The following ABAT variants were observed in gnomAD, a reference collection of about 807,000 sequenced individuals.
ABAT encodes 4-aminobutyrate aminotransferase, mitochondrial.
Under a neutral mutation model 64.6 loss-of-function variants are expected in ABAT, and 45 were observed. The ratio of observed to expected loss-of-function variants is 0.70; its 90% CI spans 0.55 to 0.89. The LOEUF is 0.89. Among genes scored for constraint, ABAT ranks in the 40% least tolerant of loss-of-function variants. The pLI is 0.00. For missense variants in ABAT, 633 were observed against 658.4 expected (o/e 0.96, Z 0.42); for synonymous variants, 297 against 250.5 (o/e 1.19, Z -1.75).
chr16:8,700,934 G>C lies in ABAT; in HGVS notation c.-42+26223G>C, dbSNP rs374824986. 6.3e-3 allele frequency among the ~76,000 whole-genome samples: 603 copies of C among 95,276 alleles called. 2 individuals are homozygous for C. Among genetic ancestry groups the C allele is most frequent in the African/African-American group, 0.026 (574 of 21,784 alleles). 62.5% of individuals were successfully genotyped at this position (95,276 alleles called of 152,430 possible). A position where few individuals can be genotyped will look rare whatever the true frequency, so the allele number is the denominator to read the frequency against. On this transcript the variant is annotated intron_variant, in intron 1 of 15. Coordinates refer to ENST00000268251, the MANE Select transcript of ABAT (RefSeq NM_020686.6). ...TTCTTTTTTTTTTTTTTTTTGCTTT[G>C]TTTTGTTTTTTCTCTTTGAGATGGA...
intron 1 of ABAT, among the ~76,000 whole-genome samples, chr16:8,684,737 A>G (rs2057414144): frequency 6.6e-6 from 1 of 151,870 alleles, no homozygotes; most frequent in Non-Finnish European, 1.5e-5. Context: ...AAAAAAAAAA[A>G]AAGGTGGAGG....
At chr16:8,780,123 T>C (rs2060389793) in intron 15 of ABAT, among the ~76,000 whole-genome samples, 1 of 151,742 alleles carries the variant, frequency 6.6e-6, no homozygotes, top group East Asian at 1.9e-4. Flanking sequence ...GTGCATGCGA[T>C]GGCCTGAGGT....
chr16:8,685,845 C>G (rs1567270057), intron 1 of ABAT, among the ~76,000 whole-genome samples: 1 of 152,158 alleles, frequency 6.6e-6, no homozygotes, highest in African/African-American at 2.4e-5. Context: ...TTGGACTTGA[C>G]TCAGAGACCC....
chr16:8,763,948 C>T (rs1186607704), intron 6 of ABAT, 121 bp from the exon 7 acceptor site: 9 of 830,294 alleles, frequency 1.1e-5, no homozygotes, highest in Non-Finnish European at 1.9e-5. Flanking sequence ...GACAGAACGT[C>T]ATCATCCTGC....
chr16:8,772,294 G>C (rs2060134478), intron 11 of ABAT, among the ~76,000 whole-genome samples: 2 of 97,412 alleles, frequency 2.1e-5, no homozygotes, highest in African/African-American at 1.0e-4. Context: ...GTGTGTGTGT[G>C]TGTGTGTGTG....
chr16:8,758,935 C>G (rs905981977), intron 6 of ABAT, among the ~76,000 whole-genome samples: 1 of 152,014 alleles, frequency 6.6e-6, no homozygotes, highest in Non-Finnish European at 1.5e-5. Flanking sequence ...AACCCCGTCT[C>G]TACTAAAAAT....
chr16:8,753,085 G>A (rs912529782), intron 5 of ABAT, among the ~76,000 whole-genome samples: 1 of 147,614 alleles, frequency 6.8e-6, no homozygotes, highest in Non-Finnish European at 1.5e-5. Flanking sequence ...TGCCTCCCAA[G>A]CTTATTCTTT....
intron 1 of ABAT, among the ~76,000 whole-genome samples, chr16:8,733,686 C>G (rs1188646379): frequency 6.6e-6 from 1 of 151,756 alleles, no homozygotes; most frequent in Non-Finnish European, 1.5e-5. Context: ...TCAGGCGTGG[C>G]GGCGTGAGGC....
intron 10 of ABAT, 44 bp downstream of exon 10, chr16:8,768,300 T>C: frequency 1.3e-6 from 2 of 1,592,460 alleles, no homozygotes; most frequent in Non-Finnish European, 1.7e-6. Context: ...TTTAGAATAG[T>C]AATAATAACG....
chr16:8,764,210 A>G lies in ABAT; in HGVS notation c.447+61A>G. On this transcript the variant is annotated intron_variant, in intron 7 of 15. Coordinates refer to ENST00000268251, the MANE Select transcript of ABAT (RefSeq NM_020686.6). This position sits in a 1 kb window ranked among gnomAD's most constrained non-coding sequence, Gnocchi z 4.2. ...CGTGGTACTGGCAGGGGAAGGGAAAAGTGGAGACGCCAACAATGAAGAATA... is the reference window on the plus strand; with the variant it reads ...CGTGGTACTGGCAGGGGAAGGGAAAGGTGGAGACGCCAACAATGAAGAATA... 7.4e-7 allele frequency: 1 copy of G among 1,359,338 alleles called. No individual in the cohort carries two copies. The highest frequency in any genetic ancestry group is 1.1e-6 in the Non-Finnish European group (1 of 951,512). The allele number at this position is 1,359,338 out of a possible 1,614,324, so 84.2% of individuals were successfully genotyped here.
rs750745519 is a variant in ABAT at position 8,754,179 on chromosome 16, TAAAAA to T, written c.317-3556_317-3552del. On this transcript the variant is annotated intron_variant, in intron 5 of 15. Coordinates refer to ENST00000268251, the MANE Select transcript of ABAT (RefSeq NM_020686.6). ...AGCCAACATGTTGAAACCCTGTCTATAAAAAAAAAAAAAAAAAAAAAAAAAATTAG... is the reference window on the plus strand; with the variant it reads ...AGCCAACATGTTGAAACCCTGTCTATAAAAAAAAAAAAAAAAAAAAATTAG... Among the ~76,000 whole-genome samples the T allele has an allele frequency of 3.4e-3, 215 of 63,842 alleles. 7 individuals carry two copies. Among genetic ancestry groups the T allele is most frequent in the African/African-American group, 0.011 (196 of 18,066 alleles). 41.9% of individuals were successfully genotyped at this position (63,842 alleles called of 152,430 possible).
intron 1 of ABAT, among the ~76,000 whole-genome samples, chr16:8,690,958 G>A (rs1214082201): frequency 1.3e-5 from 2 of 152,138 alleles, no homozygotes; most frequent in East Asian, 3.8e-4. Flanking sequence ...AAGAAGCCAG[G>A]AGTTAACACT....
At chr16:8,761,491 T>G (rs983278233) in intron 6 of ABAT, among the ~76,000 whole-genome samples, 6 of 152,264 alleles carry the variant, frequency 3.9e-5, no homozygotes, top group Non-Finnish European at 7.3e-5. Flanking sequence ...GGTTATTGAC[T>G]GAATGCTTCC....
In ABAT at chr16:8,693,317, T is replaced by C. The variant is rs77243100; in HGVS notation, c.-42+18606T>C. The stretch of plus-strand genomic sequence containing the variant: ...TTTTCTTAAATTTTTTCAATGTTTC[T>C]AGGCTACACAGTTTGTCTTTGAGTT... On this transcript the variant is annotated intron_variant, in intron 1 of 15. Coordinates refer to ENST00000268251, the MANE Select transcript of ABAT (RefSeq NM_020686.6). Among the ~76,000 whole-genome samples the C allele has an allele frequency of 6.2e-3, 937 of 152,346 alleles. 13 individuals are homozygous for C. Among genetic ancestry groups the C allele is most frequent in the East Asian group, 0.026 (133 of 5,186 alleles).
At chr16:8,778,856 CTAAT>C (rs955969979) in intron 14 of ABAT, among the ~76,000 whole-genome samples, 5 of 151,958 alleles carry the variant, frequency 3.3e-5, no homozygotes, top group African/African-American at 1.2e-4. Flanking sequence ...TTTAACCTAA[CTAAT>C]TATTTCTGCG....
At chr16:8,752,681 C>T (rs895779776) in intron 5 of ABAT, among the ~76,000 whole-genome samples, 2 of 152,134 alleles carry the variant, frequency 1.3e-5, no homozygotes, top group Non-Finnish European at 2.9e-5. Context: ...TCAGGAGGAT[C>T]TCTGGAGCCC....
intron 13 of ABAT, 33 bp downstream of exon 13, chr16:8,775,090 G>C (rs768916478): frequency 1.2e-6 from 2 of 1,613,778 alleles, no homozygotes; most frequent in African/African-American, 2.7e-5. Context: ...TCTACATCCA[G>C]GGCAGAGAAG....
chr16:8,675,894 GC>G lies in ABAT; in HGVS notation c.-42+1185del, dbSNP rs368856661. 6.0e-4 allele frequency among the ~76,000 whole-genome samples: 91 copies of G among 152,302 alleles called. 1 individual carries two copies. In the East Asian group the frequency reaches 0.017, roughly 29 times the overall value. On this transcript the variant is annotated intron_variant, in intron 1 of 15. Coordinates refer to ENST00000268251, the MANE Select transcript of ABAT (RefSeq NM_020686.6). Reference sequence around the variant, plus strand: ...CCCTAAAGTGTGCACCCCCGCAAGCGCCTGTGGACATTGCCTGGTGGAATTC... The same window carrying G: ...CCCTAAAGTGTGCACCCCCGCAAGCGCTGTGGACATTGCCTGGTGGAATTC...
Position 8,782,918 on chromosome 16 carries a change from A to G in ABAT, c.*1488A>G, listed in dbSNP as rs1472317165. On this transcript the variant is annotated 3_prime_UTR_variant, in exon 16 of 16. Coordinates refer to ENST00000268251, the MANE Select transcript of ABAT (RefSeq NM_020686.6). ...TGCTCTTTTAATAACAAATCGTCCA[A>G]AGATCTCAAAGTAAGGGTTTTTTTT... The G allele has an allele frequency of 6.6e-6, 1 of 152,112 alleles. No individual in the cohort carries two copies. The highest frequency in any genetic ancestry group is 1.5e-5 in the Non-Finnish European group (1 of 68,020). The allele number at this position is 152,112 out of a possible 1,614,324, so 9.4% of individuals were successfully genotyped here.
Sources: gnomAD v4.1 joint callset for allele counts (sites outside exome capture counted in the v4.1 genomes callset) on GRCh38, gnomAD v4.1.1 for gene constraint, Gnocchi (gnomAD v3.1) non-coding constraint, MANE v1.5 for transcripts, NCBI Gene and HGNC (gene_info 2026-07-23, HGNC 2026-07-21) for gene names.